The following GPHN variants were observed in gnomAD, a reference collection of about 807,000 sequenced individuals.
GPHN encodes the protein gephyrin.
A neutral mutation model predicts 95.5 loss-of-function variants in GPHN; 17 were observed. That is an observed-to-expected ratio of 0.18 (90% confidence interval 0.12 to 0.27). GPHN has a LOEUF of 0.27. Ranked by LOEUF, GPHN falls within the 10% of genes least tolerant of loss-of-function variation. The probability of loss-of-function intolerance (pLI) is 1.00; values close to 1 mark genes in which losing one functional copy is unlikely to be tolerated. For synonymous variants in GPHN, 320 were observed against 322.5 expected (o/e 0.99, Z 0.08); for missense variants, 660 against 978.1 (o/e 0.67, Z 4.34).
chr14:67,167,381 T>A (rs531728123), intron 20 of GPHN, among the ~76,000 whole-genome samples: 1 of 151,672 alleles, frequency 6.6e-6, no homozygotes, highest in African/African-American at 2.4e-5. Context: ...TTTGGGGTTT[T>A]TTTGCTTTTC....
At chr14:66,851,933 G>A (rs767842748) in intron 4 of GPHN, among the ~76,000 whole-genome samples, 1 of 152,076 alleles carries the variant, frequency 6.6e-6, no homozygotes, top group Admixed American at 6.6e-5. Flanking sequence ...GTGTAGGTGG[G>A]GATAGAAAGG....
chr14:67,269,337 T>TG, the GPHN span, among the ~76,000 whole-genome samples: 1 of 151,686 alleles, frequency 6.6e-6, no homozygotes, highest in Non-Finnish European at 1.5e-5. Flanking sequence ...GTACAAGTTT[T>TG]TGTGTGTGTG....
At chr14:67,626,264 A>G in the GPHN span, among the ~76,000 whole-genome samples, 45 of 152,214 alleles carry the variant, frequency 3.0e-4, no homozygotes, top group Middle Eastern at 6.8e-3. Flanking sequence ...AGGGGAAAAA[A>G]AAAACCACAA....
the GPHN span, among the ~76,000 whole-genome samples, chr14:67,340,935 C>T: frequency 6.6e-6 from 1 of 152,254 alleles, no homozygotes; most frequent in African/African-American, 2.4e-5. Flanking sequence ...CTCGGCCTCC[C>T]GAGGTGCCGG....
At chr14:66,928,367 A>G (rs531902840) in intron 8 of GPHN, among the ~76,000 whole-genome samples, 2 of 152,240 alleles carry the variant, frequency 1.3e-5, no homozygotes, top group African/African-American at 2.4e-5. Context: ...TGGTATAATC[A>G]TGATGTCTCC....
At chr14:67,029,677 T>C (rs1056644346) in intron 10 of GPHN, among the ~76,000 whole-genome samples, 4 of 152,232 alleles carry the variant, frequency 2.6e-5, no homozygotes, top group Non-Finnish European at 5.9e-5. Flanking sequence ...TCTTAAAAGA[T>C]CTACTCATTT....
At chr14:67,725,878 G>C in the GPHN span, among the ~76,000 whole-genome samples, 1 of 152,352 alleles carries the variant, frequency 6.6e-6, no homozygotes, top group South Asian at 2.1e-4. Flanking sequence ...GTTATTGAGT[G>C]CTGAGGCAAT....
the GPHN span, chr14:67,573,792 T>C: frequency 3.1e-6 from 5 of 1,598,792 alleles, no homozygotes; most frequent in African/African-American, 4.0e-5. This position sits in a 1 kb window ranked among gnomAD's most constrained non-coding sequence, Gnocchi z 4.8. Context: ...TCCAATACTT[T>C]CTTTACAGAG....
At chr14:66,608,673 T>C (rs1312853373) in intron 1 of GPHN, among the ~76,000 whole-genome samples, 1 of 152,128 alleles carries the variant, frequency 6.6e-6, no homozygotes, top group African/African-American at 2.4e-5. Context: ...TGCTCCAATG[T>C]TGGGTGTGTA....
the GPHN span, among the ~76,000 whole-genome samples, chr14:67,702,397 G>GT: frequency 6.6e-6 from 1 of 152,048 alleles, no homozygotes; most frequent in African/African-American, 2.4e-5. Flanking sequence ...AGGTTTAGCT[G>GT]TATTTCTTAA....
the GPHN span, chr14:67,561,848 C>T: frequency 3.8e-6 from 3 of 797,626 alleles, no homozygotes; most frequent in Non-Finnish European, 5.9e-6. Context: ...TCAGTCTGGC[C>T]AACAGAGCAA....
intron 9 of GPHN, among the ~76,000 whole-genome samples, chr14:66,998,174 A>G (rs2071946589): frequency 6.6e-6 from 1 of 152,140 alleles, no homozygotes; most frequent in Non-Finnish European, 1.5e-5. Flanking sequence ...CATTTGCACC[A>G]TGGCACTCAG....
chr14:67,727,056 C>T, the GPHN span: 41 of 1,614,026 alleles, frequency 2.5e-5, no homozygotes, highest in East Asian at 4.5e-5. Flanking sequence ...AATGTGTCCT[C>T]GGTGGCTCAC....
intron 8 of GPHN, among the ~76,000 whole-genome samples, chr14:66,932,734 C>A (rs983758942): frequency 6.6e-6 from 1 of 151,586 alleles, no homozygotes; most frequent in Admixed American, 6.6e-5. Flanking sequence ...TTTTAGTCAC[C>A]ACTGGTGAGT....
rs529156889 is a variant in GPHN, at chr14:66,888,152, A to T, written c.389+8119A>T. On this transcript the variant is annotated intron_variant, in intron 5 of 22. Coordinates refer to ENST00000478722, the MANE Select transcript of GPHN (RefSeq NM_020806.5). ...AAACGTAGAACATCTACATAATGCG[A>T]ATACCCAAAAGAGAAGAACGAGAAA... Among the ~76,000 whole-genome samples, 5 of 152,340 alleles carry T rather than the reference A, an allele frequency of 3.3e-5. No individual in the cohort carries two copies. In the South Asian group the frequency reaches 1.0e-3, roughly 32 times the overall value.
intron 1 of GPHN, among the ~76,000 whole-genome samples, chr14:66,613,994 T>C (rs1485355744): frequency 6.6e-6 from 1 of 152,130 alleles, no homozygotes; most frequent in Non-Finnish European, 1.5e-5. Context: ...ATGTCTTATC[T>C]CTCCCGGCTG....
At chr14:67,403,103 T>A in the GPHN span, among the ~76,000 whole-genome samples, 1 of 152,254 alleles carries the variant, frequency 6.6e-6, no homozygotes, top group Non-Finnish European at 1.5e-5. Flanking sequence ...GTCTTTTGGA[T>A]AAAAGCTATT....
At chr14:67,572,420 G>C in the GPHN span, 1 of 646,986 alleles carries the variant, frequency 1.5e-6, no homozygotes, top group Non-Finnish European at 2.6e-6. Flanking sequence ...CGTGGGCTGG[G>C]GGGGTGTACA....
At chr14:66,885,375 T>A (rs1418857547) in intron 5 of GPHN, among the ~76,000 whole-genome samples, 1 of 152,164 alleles carries the variant, frequency 6.6e-6, no homozygotes, top group Non-Finnish European at 1.5e-5. Flanking sequence ...CTAGTAGATT[T>A]TGGTTAATTT....
Sources: gnomAD v4.1 joint callset for allele counts (sites outside exome capture counted in the v4.1 genomes callset) on GRCh38, gnomAD v4.1.1 for gene constraint, Gnocchi (gnomAD v3.1) non-coding constraint, MANE v1.5 for transcripts, NCBI Gene and HGNC (gene_info 2026-07-23, HGNC 2026-07-21) for gene names.